Variants in ADGRL2 observed in about 807,000 individuals in gnomAD.
ADGRL2 encodes the protein adhesion G protein-coupled receptor L2.
ADGRL2 carries 44 observed loss-of-function variants against 157.4 expected under a neutral mutation model. That is an observed-to-expected ratio of 0.28 (90% confidence interval 0.22 to 0.36). The LOEUF (loss-of-function observed/expected upper bound fraction) is 0.36, where lower values mean the gene tolerates loss of function less well. Ranked by LOEUF, ADGRL2 falls within the 10% of genes least tolerant of loss-of-function variation. ADGRL2 has a pLI of 1.00. For synonymous variants in ADGRL2, 585 were observed against 624.7 expected, an observed-to-expected ratio of 0.94 and a Z score of 0.95; for missense variants, 1,510 against 1,768.9, an observed-to-expected ratio of 0.85 and a Z score of 2.63.
Position 81,919,182 on chromosome 1 carries a change from TAAAC to T in ADGRL2, c.287+11956_287+11959del, listed in dbSNP as rs1310797210. On this transcript the variant is annotated intron_variant, in intron 3 of 23. Coordinates refer to ENST00000686636, the MANE Select transcript of ADGRL2 (RefSeq NM_001366006.2). ...GAAGAGAGACTGAAAGATTAAAAAT[TAAAC>T]AAATTCATTTTTTAAAGGACATTAT... 3.3e-5 allele frequency among the ~76,000 whole-genome samples: 5 copies of T among 152,220 alleles called. No homozygotes were observed. In the East Asian group the frequency reaches 5.8e-4, roughly 18 times the overall value.
intron 2 of ADGRL2, among the ~76,000 whole-genome samples, chr1:81,564,378 G>T (rs938907932): frequency 6.6e-6 from 1 of 152,168 alleles, no homozygotes; most frequent in Non-Finnish European, 1.5e-5. Context: ...TGTAGTTATC[G>T]CAAGGTTAGA....
intron 1 of ADGRL2, chr1:81,722,579 T>C (rs1430854423): frequency 1.4e-6 from 2 of 1,470,166 alleles, no homozygotes; most frequent in Non-Finnish European, 9.4e-7. Context: ...CACAGACGCC[T>C]AGGCCACTGG....
chr1:81,965,971 A>G, intron 11 of ADGRL2, 87 bp from the exon 12 acceptor site: 2 of 1,306,632 alleles, frequency 1.5e-6, no homozygotes, highest in Non-Finnish European at 2.1e-6. Flanking sequence ...AGAAAACAGT[A>G]GTTTCCATAC....
intron 2 of ADGRL2, among the ~76,000 whole-genome samples, chr1:81,512,080 C>T (rs555995669): frequency 2.6e-4 from 39 of 152,116 alleles, no homozygotes; most frequent in African/African-American, 8.4e-4. Context: ...ATTTTAAACA[C>T]GTCTACATTT....
intron 2 of ADGRL2, among the ~76,000 whole-genome samples, chr1:81,906,587 A>G (rs1207643473): frequency 6.6e-6 from 1 of 152,186 alleles, no homozygotes; most frequent in African/African-American, 2.4e-5. Flanking sequence ...ATGCAATAGC[A>G]ATTAATATGT....
At chr1:81,720,342 G>A (rs563647826) in intron 1 of ADGRL2, among the ~76,000 whole-genome samples, 1 of 151,882 alleles carries the variant, frequency 6.6e-6, no homozygotes, top group Non-Finnish European at 1.5e-5. Context: ...GCTAATTTTT[G>A]TATTTTTAGT....
intron 2 of ADGRL2, among the ~76,000 whole-genome samples, chr1:81,763,306 T>C (rs182872828): frequency 1.6e-4 from 24 of 152,014 alleles, no homozygotes; most frequent in Admixed American, 1.3e-3. Flanking sequence ...AATCTTCAGC[T>C]GGGCATGGTA....
intron 2 of ADGRL2, 49 bp from the exon 3 acceptor site, chr1:81,906,968 T>A: frequency 2.8e-6 from 4 of 1,411,172 alleles, no homozygotes; most frequent in Non-Finnish European, 4.0e-6. Flanking sequence ...TAAAATAATT[T>A]ATCTTATAAA....
At chr1:81,385,965 A>G (rs1315543837) in intron 1 of ADGRL2, among the ~76,000 whole-genome samples, 2 of 152,108 alleles carry the variant, frequency 1.3e-5, no homozygotes, top group African/African-American at 4.8e-5. Flanking sequence ...ACATAGCTCG[A>G]TATGTCTCTA....
At chr1:81,586,770 A>C (rs961073928) in intron 3 of ADGRL2, among the ~76,000 whole-genome samples, 10 of 152,064 alleles carry the variant, frequency 6.6e-5, no homozygotes, top group African/African-American at 2.2e-4. Context: ...TTTACTTGTC[A>C]AGCAATTTTC....
chr1:81,381,796 A>G (rs929794316), intron 1 of ADGRL2, among the ~76,000 whole-genome samples: 2 of 152,142 alleles, frequency 1.3e-5, no homozygotes, highest in African/African-American at 4.8e-5. Flanking sequence ...ATTATTTTTC[A>G]TAAGACTCTG....
chr1:81,746,134 T>G (rs2149243475), intron 1 of ADGRL2, among the ~76,000 whole-genome samples: 1 of 152,324 alleles, frequency 6.6e-6, no homozygotes, highest in Middle Eastern at 3.4e-3. Flanking sequence ...TTTTTATTTC[T>G]AATATAATTT....
At position 81,554,345 on chromosome 1, in the gene ADGRL2, C is replaced by A. The variant is rs2080220715; in HGVS notation, c.-247-26531C>A. Among the ~76,000 whole-genome samples, 7 of 152,284 alleles carry A rather than the reference C, an allele frequency of 4.6e-5. No homozygotes were observed. The South Asian group carries it at 1.5e-3, about 32-fold the overall frequency. ...TCACCCCAGTCTCATCAGTCAAGATCTCACTATTCTTCTAACCATATGAAA... is the reference window on the plus strand; with the variant it reads ...TCACCCCAGTCTCATCAGTCAAGATATCACTATTCTTCTAACCATATGAAA... On this transcript the variant is annotated intron_variant, in intron 2 of 24. Coordinates refer to the ADGRL2 transcript ENST00000370721.
At position 81,382,003 on chromosome 1, in the gene ADGRL2, C is replaced by T. The variant is rs115185610; in HGVS notation, c.-301-63033C>T. Among the ~76,000 whole-genome samples, 367 of 152,260 alleles carry T rather than the reference C, an allele frequency of 2.4e-3. 3 individuals are homozygous for T. The highest frequency in any genetic ancestry group is 8.4e-3 in the African/African-American group (351 of 41,542). On this transcript the variant is annotated intron_variant, in intron 1 of 24. Coordinates refer to the ADGRL2 transcript ENST00000370721. Reference sequence around the variant, plus strand: ...CTTTGTCTAACAGTGGTTTAGTTTTCTCCCTGAATATTTGTTCCAATGTTT... The same window carrying T: ...CTTTGTCTAACAGTGGTTTAGTTTTTTCCCTGAATATTTGTTCCAATGTTT...
chr1:81,580,609 G>A (rs2080888198), intron 2 of ADGRL2, among the ~76,000 whole-genome samples: 1 of 151,990 alleles, frequency 6.6e-6, no homozygotes, highest in Admixed American at 6.6e-5. Flanking sequence ...AATATTCAAT[G>A]TCAAGAATTT....
rs1190413156 is a variant in ADGRL2, at chr1:81,950,273, G to C, written c.1295G>C (p.Gly432Ala). The change falls in exon 7 of 24, where the codon GGC becomes GCC. Residue 432 changes from glycine to alanine, a missense_variant. Physicochemically the swap from Gly to Ala is moderately conservative, Grantham distance 60 (BLOSUM62 0). Coordinates refer to ENST00000686636, the MANE Select transcript of ADGRL2 (RefSeq NM_001366006.2). ...ACCACAAGCACTACTTCACAGAAAG[G>C]CCCCATGAGCACAACTGTAGCTGGA... ...ISTTSTTSQKGPMSTTVAGSQ... is the reference protein window; with the variant it reads ...ISTTSTTSQKAPMSTTVAGSQ... 1 of 1,613,808 alleles carries C rather than the reference G, an allele frequency of 6.2e-7. No homozygotes were observed. Among genetic ancestry groups the C allele is most frequent in the Non-Finnish European group, 8.5e-7 (1 of 1,179,934 alleles).
intron 2 of ADGRL2, among the ~76,000 whole-genome samples, chr1:81,448,096 T>A (rs1404740994): frequency 6.6e-6 from 1 of 151,592 alleles, no homozygotes; most frequent in Non-Finnish European, 1.5e-5. Flanking sequence ...TGCGGAACCA[T>A]GAGCCAATTA....
At chr1:81,555,913 A>T (rs777613213) in intron 2 of ADGRL2, among the ~76,000 whole-genome samples, 18 of 152,178 alleles carry the variant, frequency 1.2e-4, no homozygotes, top group Admixed American at 3.3e-4. Flanking sequence ...TGCTACTGAA[A>T]ACAGTGTCTG....
intron 2 of ADGRL2, among the ~76,000 whole-genome samples, chr1:81,465,465 T>A (rs2078033358): frequency 6.6e-6 from 1 of 152,168 alleles, no homozygotes; most frequent in South Asian, 2.1e-4. Flanking sequence ...TTTCGTTCCA[T>A]GTTTAGAAGG....
Sources: gnomAD v4.1 joint callset for allele counts (sites outside exome capture counted in the v4.1 genomes callset) on GRCh38, gnomAD v4.1.1 for gene constraint, MANE v1.5 for transcripts, NCBI Gene and HGNC (gene_info 2026-07-23, HGNC 2026-07-21) for gene names.